CLSTN2: variants seen among roughly 807,000 people sequenced by gnomAD.
CLSTN2 encodes calsyntenin-2.
A neutral mutation model predicts 101.2 loss-of-function variants in CLSTN2; 48 were observed. The ratio of observed to expected loss-of-function variants is 0.47; its 90% CI spans 0.38 to 0.60. The LOEUF (loss-of-function observed/expected upper bound fraction) is 0.60, where lower values mean the gene tolerates loss of function less well. CLSTN2 is among the 20% of genes least tolerant of loss of function. CLSTN2 has a pLI of 0.00. For synonymous variants in CLSTN2, 481 were observed against 463.6 expected, an observed-to-expected ratio of 1.04 and a Z score of -0.48; for missense variants, 1,160 against 1,238.2, an observed-to-expected ratio of 0.94 and a Z score of 0.95.
intron 1 of CLSTN2, among the ~76,000 whole-genome samples, chr3:140,165,245 G>A (rs770139065): frequency 6.6e-6 from 1 of 152,118 alleles, no homozygotes; most frequent in Non-Finnish European, 1.5e-5. Context: ...AGATTTGGGA[G>A]GCATGCCCTT....
At chr3:140,199,080 G>A (rs558333544) in intron 2 of CLSTN2, among the ~76,000 whole-genome samples, 1 of 152,278 alleles carries the variant, frequency 6.6e-6, no homozygotes, top group South Asian at 2.1e-4. Context: ...TTTCTCTCAA[G>A]TCCTCAAGAA....
intron 2 of CLSTN2, among the ~76,000 whole-genome samples, chr3:140,262,579 G>A (rs1210776354): frequency 1.3e-5 from 2 of 152,154 alleles, no homozygotes; most frequent in East Asian, 1.9e-4. Context: ...TGTTTCATGG[G>A]GCCCATAGAT....
At chr3:140,440,119 A>G (rs2088743687) in intron 5 of CLSTN2, among the ~76,000 whole-genome samples, 2 of 152,152 alleles carry the variant, frequency 1.3e-5, no homozygotes, top group Admixed American at 1.3e-4. Flanking sequence ...GGTGAGGCCA[A>G]TACCAATAAG....
chr3:140,385,462 G>A (rs1172125353), intron 2 of CLSTN2, among the ~76,000 whole-genome samples: 3 of 147,636 alleles, frequency 2.0e-5, no homozygotes, highest in South Asian at 2.2e-4. Flanking sequence ...TCCTCCTCCC[G>A]GGTTCACGCC....
intron 1 of CLSTN2, among the ~76,000 whole-genome samples, chr3:140,108,081 C>T (rs978474227): frequency 1.3e-5 from 2 of 152,272 alleles, no homozygotes; most frequent in Admixed American, 6.5e-5. Flanking sequence ...TGACGTGTTC[C>T]TCTTCAGTGT....
intron 4 of CLSTN2, among the ~76,000 whole-genome samples, chr3:140,414,044 T>C (rs1185368916): frequency 6.6e-6 from 1 of 151,980 alleles, no homozygotes; most frequent in African/African-American, 2.4e-5. Context: ...GAAAGTTCTA[T>C]CCAGATCAAT....
At chr3:140,165,568 C>G (rs1169805419) in intron 1 of CLSTN2, among the ~76,000 whole-genome samples, 2 of 152,046 alleles carry the variant, frequency 1.3e-5, no homozygotes, top group Non-Finnish European at 1.5e-5. Flanking sequence ...GGGGAGTGAG[C>G]TGAACCTGGA....
intron 1 of CLSTN2, among the ~76,000 whole-genome samples, chr3:140,139,633 T>C (rs1331161280): frequency 6.6e-6 from 1 of 152,226 alleles, no homozygotes; most frequent in Non-Finnish European, 1.5e-5. Context: ...AAACCGCTGC[T>C]TCAGGGGCAA....
intron 1 of CLSTN2, among the ~76,000 whole-genome samples, chr3:140,166,614 G>A (rs1394212661): frequency 6.6e-6 from 1 of 152,016 alleles, no homozygotes; most frequent in Non-Finnish European, 1.5e-5. Context: ...CACTTTTTTT[G>A]CAGTGTAAGC....
At chr3:140,211,736 C>G (rs2010858143) in intron 2 of CLSTN2, among the ~76,000 whole-genome samples, 1 of 151,836 alleles carries the variant, frequency 6.6e-6, no homozygotes, top group Admixed American at 6.6e-5. Context: ...ACCTAAATAA[C>G]CCACCCCTTA....
intron 1 of CLSTN2, among the ~76,000 whole-genome samples, chr3:140,042,344 T>G (rs2007777558): frequency 6.6e-6 from 1 of 152,190 alleles, no homozygotes; most frequent in Non-Finnish European, 1.5e-5. Flanking sequence ...GGCTTTTGTG[T>G]CTGACTTTTT....
intron 2 of CLSTN2, among the ~76,000 whole-genome samples, chr3:140,210,733 T>A (rs1213404656): frequency 6.6e-6 from 1 of 152,112 alleles, no homozygotes; most frequent in Non-Finnish European, 1.5e-5. Context: ...CTTGGGTAGA[T>A]CTTGGTGGAC....
intron 2 of CLSTN2, among the ~76,000 whole-genome samples, chr3:140,273,981 A>G (rs556934281): frequency 3.9e-5 from 6 of 152,232 alleles, no homozygotes; most frequent in Non-Finnish European, 8.8e-5. Context: ...TGTGACCATC[A>G]TCCTCCTCAG....
At chr3:140,417,066 T>A (rs1043655006) in intron 4 of CLSTN2, among the ~76,000 whole-genome samples, 2 of 152,228 alleles carry the variant, frequency 1.3e-5, no homozygotes, top group African/African-American at 4.8e-5. Flanking sequence ...AAGTAACCAT[T>A]ATTAACAGTT....
intron 8 of CLSTN2, among the ~76,000 whole-genome samples, chr3:140,498,051 G>GT (rs1934505319): frequency 6.6e-6 from 1 of 152,172 alleles, no homozygotes; most frequent in Non-Finnish European, 1.5e-5. Context: ...AGATATTTCG[G>GT]TTGAAGGTGC....
At chr3:140,537,589 T>G (rs1239288057) in intron 9 of CLSTN2, among the ~76,000 whole-genome samples, 1 of 152,144 alleles carries the variant, frequency 6.6e-6, no homozygotes, top group Non-Finnish European at 1.5e-5. Context: ...ATATTCAGGA[T>G]GGAGGCAGAC....
At chr3:140,178,882 A>G (rs931361896) in intron 2 of CLSTN2, among the ~76,000 whole-genome samples, 4 of 152,076 alleles carry the variant, frequency 2.6e-5, no homozygotes, top group Admixed American at 6.6e-5. Flanking sequence ...CCCCTTTCCC[A>G]GTGGTCTTTA....
At chr3:140,142,569 G>A (rs78042225) in intron 1 of CLSTN2, among the ~76,000 whole-genome samples, 1 of 152,198 alleles carries the variant, frequency 6.6e-6, no homozygotes, top group Non-Finnish European at 1.5e-5. Context: ...GGTCATTTGT[G>A]ACTAAGTTCT....
intron 9 of CLSTN2, among the ~76,000 whole-genome samples, chr3:140,541,994 G>T (rs866082639): frequency 6.6e-5 from 10 of 152,174 alleles, no homozygotes; most frequent in Middle Eastern, 6.8e-3. Context: ...TGGAAGGTAA[G>T]GTAGAAGAAA....
Sources: gnomAD v4.1 joint callset for allele counts (sites outside exome capture counted in the v4.1 genomes callset) on GRCh38, gnomAD v4.1.1 for gene constraint, MANE v1.5 for transcripts, NCBI Gene and HGNC (gene_info 2026-07-23, HGNC 2026-07-21) for gene names.